Variants in MAST4 observed in about 807,000 individuals in gnomAD.
MAST4 encodes microtubule associated serine/threonine kinase family member 4.
MAST4 carries 89 observed loss-of-function variants against 162.7 expected under a neutral mutation model. The ratio of observed to expected loss-of-function variants is 0.55; its 90% CI spans 0.46 to 0.65. MAST4 has a LOEUF of 0.65. Ranked by LOEUF, MAST4 falls within the 30% of genes least tolerant of loss-of-function variation. MAST4 has a pLI of 0.00. For missense variants in MAST4, 3,153 were observed against 3,374.0 expected, an observed-to-expected ratio of 0.93 and a Z score of 1.62; for synonymous variants, 1,479 against 1,361.1, an observed-to-expected ratio of 1.09 and a Z score of -1.91.
chr5:66,971,310 G>A (rs916477731), intron 4 of MAST4, among the ~76,000 whole-genome samples: 1 of 152,144 alleles, frequency 6.6e-6, no homozygotes, highest in African/African-American at 2.4e-5. Flanking sequence ...AATTGGGTTT[G>A]CTTTGGAAAT....
At chr5:66,808,210 C>A (rs1317871077) in intron 3 of MAST4, among the ~76,000 whole-genome samples, 1 of 152,150 alleles carries the variant, frequency 6.6e-6, no homozygotes, top group Non-Finnish European at 1.5e-5. Context: ...TACACCGCAG[C>A]CTGAGGTTGT....
At chr5:66,627,777 T>C (rs1431674644) in intron 1 of MAST4, among the ~76,000 whole-genome samples, 1 of 152,098 alleles carries the variant, frequency 6.6e-6, no homozygotes, top group African/African-American at 2.4e-5. Context: ...AACATTTTCA[T>C]TGGTTTATTC....
intron 7 of MAST4, among the ~76,000 whole-genome samples, chr5:67,099,782 A>G (rs970356812): frequency 2.6e-5 from 4 of 151,624 alleles, no homozygotes; most frequent in Non-Finnish European, 2.9e-5. Flanking sequence ...ATCTACAGGC[A>G]TGGAACAAAA....
chr5:66,964,834 A>G (rs1641085246), intron 4 of MAST4, among the ~76,000 whole-genome samples: 1 of 152,230 alleles, frequency 6.6e-6, no homozygotes, highest in Non-Finnish European at 1.5e-5. Flanking sequence ...AAGAAAGTAG[A>G]ATCAAATTAT....
intron 17 of MAST4, 24 bp from the exon 18 acceptor site, chr5:67,134,499 T>C: frequency 6.2e-7 from 1 of 1,600,228 alleles, no homozygotes; most frequent in Non-Finnish European, 8.5e-7. Context: ...TTCCAATTAT[T>C]CTAATATTGC....
chr5:66,800,990 AT>A (rs1755892156), intron 3 of MAST4, among the ~76,000 whole-genome samples: 1 of 152,180 alleles, frequency 6.6e-6, no homozygotes. Context: ...TGAAAGTATT[AT>A]TAATATTCCC....
At chr5:66,998,470 A>C (rs1020725260) in intron 4 of MAST4, among the ~76,000 whole-genome samples, 3 of 152,208 alleles carry the variant, frequency 2.0e-5, no homozygotes, top group Non-Finnish European at 2.9e-5. Flanking sequence ...AGACCTGCCT[A>C]ATAGGTACAG....
chr5:66,720,694 G>C (rs190885135), intron 1 of MAST4, among the ~76,000 whole-genome samples: 2 of 151,952 alleles, frequency 1.3e-5, no homozygotes, highest in African/African-American at 4.8e-5. Context: ...TTTAATTTCT[G>C]CTTTTATCTT....
chr5:67,165,089 G>A lies in MAST4; in HGVS notation c.5910G>A (p.Leu1970=). 6.3e-7 allele frequency: 1 copy of A among 1,594,838 alleles called. No homozygotes were observed. The highest frequency in any genetic ancestry group is 8.5e-7 in the Non-Finnish European group (1 of 1,170,576). Reference sequence around the variant, plus strand: ...CCCCCTCAAGGGAGAAGCCAGGCCTGAGGGAATCGTCTGAAAGAGGCCCTC... The same window carrying A: ...CCCCCTCAAGGGAGAAGCCAGGCCTAAGGGAATCGTCTGAAAGAGGCCCTC... ...EASPSREKPG[L]RESSERGPPT... Residue 1970 remains leucine, a synonymous_variant, in exon 29 of 29, where the codon CTG becomes CTA. Coordinates refer to ENST00000403625, the MANE Select transcript of MAST4 (RefSeq NM_001164664.2).
intron 19 of MAST4, among the ~76,000 whole-genome samples, chr5:67,137,384 G>A (rs915157220): frequency 6.6e-6 from 1 of 152,164 alleles, no homozygotes; most frequent in African/African-American, 2.4e-5. Flanking sequence ...GTGAATTTAT[G>A]TAGATGAGAC....
intron 1 of MAST4, among the ~76,000 whole-genome samples, chr5:66,628,322 C>T (rs995033213): frequency 2.0e-5 from 3 of 149,164 alleles, no homozygotes; most frequent in Non-Finnish European, 4.4e-5. Flanking sequence ...GCATGAGCCA[C>T]GGTGCCTGAC....
chr5:67,140,201 G>C (rs1457613677), intron 19 of MAST4, among the ~76,000 whole-genome samples: 1 of 152,178 alleles, frequency 6.6e-6, no homozygotes. Context: ...TAGGAGTCCA[G>C]AGATGTGTGT....
intron 4 of MAST4, among the ~76,000 whole-genome samples, chr5:66,933,849 A>C (rs924051486): frequency 6.6e-6 from 1 of 152,086 alleles, no homozygotes; most frequent in Admixed American, 6.6e-5. Flanking sequence ...TTTTAATGAT[A>C]CTTTTTTTGC....
chr5:67,099,069 C>G (rs1457629230), intron 7 of MAST4, among the ~76,000 whole-genome samples: 1 of 152,008 alleles, frequency 6.6e-6, no homozygotes, highest in African/African-American at 2.4e-5. Flanking sequence ...CATTGATTTA[C>G]CTTTGAAACA....
At chr5:66,668,393 C>T in intron 1 of MAST4, among the ~76,000 whole-genome samples, 1 of 152,152 alleles carries the variant, frequency 6.6e-6, no homozygotes, top group East Asian at 1.9e-4. Flanking sequence ...ACTTAATCTC[C>T]AGGCTTTTTA....
intron 2 of MAST4, among the ~76,000 whole-genome samples, chr5:66,780,966 A>G (rs1278335246): frequency 6.6e-6 from 1 of 152,150 alleles, no homozygotes; most frequent in African/African-American, 2.4e-5. Flanking sequence ...TCTCAATACA[A>G]TATCTCACCT....
intron 1 of MAST4, among the ~76,000 whole-genome samples, chr5:66,721,421 TCA>T (rs1751203479): frequency 6.6e-6 from 1 of 152,114 alleles, no homozygotes; most frequent in Admixed American, 6.6e-5. Context: ...CAATAAGTTC[TCA>T]CTCTTTTGTA....
rs775063342 is a variant in MAST4, at chr5:66,788,748, G to A, written c.596G>A (p.Arg199His). Residue 199 changes from arginine to histidine, a missense_variant, in exon 3 of 29, where the codon CGC becomes CAC. Coordinates refer to ENST00000403625, the MANE Select transcript of MAST4 (RefSeq NM_001164664.2). ...SAETSNLVRMRSQALGQSAPS... is the reference protein window; with the variant it reads ...SAETSNLVRMHSQALGQSAPS... Reference sequence around the variant, plus strand: ...GAGACGTCCAACCTCGTGCGCATGCGCAGCCAGGCCCTGGGCCAGTCGGCG... The same window carrying A: ...GAGACGTCCAACCTCGTGCGCATGCACAGCCAGGCCCTGGGCCAGTCGGCG... The A allele has an allele frequency of 4.3e-6, 7 of 1,611,990 alleles. No individual in the cohort carries two copies. Among genetic ancestry groups the A allele is most frequent in the East Asian group, 2.2e-5 (1 of 44,836 alleles).
intron 23 of MAST4, among the ~76,000 whole-genome samples, chr5:67,146,852 T>C (rs539752230): frequency 1.3e-5 from 2 of 152,352 alleles, no homozygotes; most frequent in South Asian, 4.1e-4. Context: ...CCTGACCATC[T>C]CTAGTTCATG....
Sources: gnomAD v4.1 joint callset for allele counts (sites outside exome capture counted in the v4.1 genomes callset) on GRCh38, gnomAD v4.1.1 for gene constraint, MANE v1.5 for transcripts, NCBI Gene and HGNC (gene_info 2026-07-23, HGNC 2026-07-21) for gene names.